Variants in MCF2L observed in about 807,000 individuals in gnomAD.
MCF2L encodes the protein guanine nucleotide exchange factor DBS.
A neutral mutation model predicts 153.4 loss-of-function variants in MCF2L; 97 were observed. The ratio of observed to expected loss-of-function variants is 0.63; its 90% CI spans 0.54 to 0.75. The LOEUF (loss-of-function observed/expected upper bound fraction) is 0.75. MCF2L is among the 30% of genes least tolerant of loss of function. The pLI, the probability that MCF2L is intolerant of heterozygous loss-of-function variation, is 0.00. For missense variants in MCF2L, 1,347 were observed against 1,495.2 expected (o/e 0.90, Z 1.64); for synonymous variants, 659 against 632.2 (o/e 1.04, Z -0.64).
At chr13:112,980,015 G>T (rs936644991) in intron 1 of MCF2L, among the ~76,000 whole-genome samples, 1 of 152,212 alleles carries the variant, frequency 6.6e-6, no homozygotes, top group Non-Finnish European at 1.5e-5. Flanking sequence ...ACGAATTTCC[G>T]CTCCGATTGG....
In MCF2L at chr13:113,070,150, C is replaced by T; in HGVS notation, c.973C>T (p.His325Tyr). The T allele has an allele frequency of 6.2e-7, 1 of 1,602,364 alleles. No homozygotes were observed. Residue 325 changes from histidine (H) to tyrosine (Y), a missense_variant, in exon 9 of 30, where the codon CAC becomes TAC. By Grantham distance (83) the His-to-Tyr change is moderately conservative. This residue lies in a region of MCF2L where 820 missense variants were observed against 921.2 expected (regional missense o/e 0.89). Coordinates refer to ENST00000535094, the MANE Select transcript of MCF2L (RefSeq NM_001112732.3). The surrounding 1 kb of genome is among the most constrained non-coding windows in gnomAD (Gnocchi z 5.6). ...QKLEQCLQLR[H>Y]FEQGFREVKA... The stretch of plus-strand genomic sequence containing the variant: ...ACTGGAGCAGTGTCTGCAGCTCCGG[C>T]ACTTTGAGCAGGGCTTCCGGGAGGT...
chr13:112,917,910 C>T (rs982033605), intron 2 of MCF2L, among the ~76,000 whole-genome samples: 8 of 152,208 alleles, frequency 5.3e-5, no homozygotes, highest in Non-Finnish European at 7.3e-5. Flanking sequence ...GGCCGGCTTG[C>T]GTCCCCAGGT....
intron 1 of MCF2L, among the ~76,000 whole-genome samples, chr13:112,980,510 G>T (rs2082370846): frequency 6.6e-6 from 1 of 152,072 alleles, no homozygotes; most frequent in Non-Finnish European, 1.5e-5. Context: ...GGCATTGGCA[G>T]GTGGGCGTCA....
intron 21 of MCF2L, 129 bp downstream of exon 21, chr13:113,086,378 G>A: frequency 7.2e-7 from 1 of 1,391,838 alleles, no homozygotes; most frequent in Non-Finnish European, 9.6e-7. Context: ...GGAGGTCTGG[G>A]GTGGTCCCTA....
In MCF2L at chr13:113,083,998, G is replaced by A. The variant is rs2034400323; in HGVS notation, c.1992G>A (p.Arg664=). The change falls in exon 18 of 30, where the codon AGG becomes AGA. Residue 664 remains arginine, a splice_region_variant and synonymous_variant. Transcript: ENST00000535094. ...NMEEIYHFHN[R]IFLRELENYT... is the part of the protein sequence containing the mutation. Reference sequence around the variant, plus strand: ...CTACTTAAAAACCTTCTTTGTCTAGGATATTCCTCAGGGAGCTGGAAAACT... The same window carrying A: ...CTACTTAAAAACCTTCTTTGTCTAGAATATTCCTCAGGGAGCTGGAAAACT... The A allele has an allele frequency of 7.4e-6, 12 of 1,612,946 alleles. No individual in the cohort carries two copies. Among genetic ancestry groups the A allele is most frequent in the Non-Finnish European group, 1.0e-5 (12 of 1,179,074 alleles).
At chr13:113,088,684 C>T in intron 25 of MCF2L, 56 bp downstream of exon 25, 1 of 1,545,912 alleles carries the variant, frequency 6.5e-7, no homozygotes, top group Non-Finnish European at 8.8e-7. Flanking sequence ...CCGAGCAGGC[C>T]ATTTGCACGC....
intron 3 of MCF2L, among the ~76,000 whole-genome samples, chr13:113,032,161 C>T (rs553579738): frequency 2.5e-4 from 38 of 152,268 alleles, no homozygotes; most frequent in Admixed American, 1.3e-4. Context: ...GGAGCCAACT[C>T]GGTTTGTCGT....
chr13:113,083,260 G>A lies in MCF2L; in HGVS notation c.1991+718G>A, dbSNP rs1424604864. On this transcript the variant is annotated intron_variant, in intron 17 of 29. Coordinates refer to ENST00000535094, the MANE Select transcript of MCF2L (RefSeq NM_001112732.3). ...TGCGGCCATGTGCTTGGGGACCAGCGTGCCCCACTGGCCATGGGAATCGCC... is the reference window on the plus strand; with the variant it reads ...TGCGGCCATGTGCTTGGGGACCAGCATGCCCCACTGGCCATGGGAATCGCC... Among the ~76,000 whole-genome samples the A allele has an allele frequency of 2.6e-5, 4 of 152,154 alleles. No homozygotes were observed. In the East Asian group the frequency reaches 5.8e-4, roughly 22 times the overall value.
chr13:113,058,260 G>A (rs1486916821), intron 4 of MCF2L, among the ~76,000 whole-genome samples: 1 of 149,746 alleles, frequency 6.7e-6, no homozygotes, highest in African/African-American at 2.5e-5. Context: ...TGGGCGCTGA[G>A]TGGGCATTGA....
chr13:112,939,908 G>T (rs557120467), intron 2 of MCF2L, among the ~76,000 whole-genome samples: 106 of 152,114 alleles, frequency 7.0e-4, no homozygotes, highest in Non-Finnish European at 1.3e-3. Context: ...GGTAGAGGTT[G>T]CAGTGAGCTG....
At chr13:113,022,856 G>A (rs2993304) in intron 2 of MCF2L, among the ~76,000 whole-genome samples, 24,311 of 151,932 alleles carry the variant, frequency 0.16, 2,120 homozygotes, top group East Asian at 0.28. Context: ...TCTTATCATT[G>A]GGATCTGAGG....
Position 113,024,697 on chromosome 13 carries a change from T to C in MCF2L, c.217T>C (p.Phe73Leu). ...PVITFPDYPA[F>L]SEIPDKEFQN... is the part of the protein sequence containing the mutation. ...TATCACCTTCCCTGACTACCCGGCC[T>C]TCAGCGAGATTCCGGACAAGGAGTT... Residue 73 changes from phenylalanine (F) to leucine (L), a missense_variant, in exon 3 of 30, where the codon TTC (phenylalanine) becomes CTC (leucine). Phe to Leu is a conservative substitution (Grantham distance 22). Coordinates refer to ENST00000535094, the MANE Select transcript of MCF2L (RefSeq NM_001112732.3). 6.2e-7 allele frequency: 1 copy of C among 1,614,210 alleles called. No individual in the cohort carries two copies. Among genetic ancestry groups the C allele is most frequent in the African/African-American group, 1.3e-5 (1 of 75,068 alleles).
In MCF2L at chr13:112,954,396, GCTT is replaced by G. The variant is rs1224675592; in HGVS notation, c.169+52028_169+52030del. Among the ~76,000 whole-genome samples, 14 of 152,218 alleles carry G rather than the reference GCTT, an allele frequency of 9.2e-5. No homozygotes were observed. The East Asian group carries it at 2.7e-3, about 30-fold the overall frequency. On this transcript the variant is annotated intron_variant, in intron 2 of 29. Coordinates refer to the MCF2L transcript ENST00000375608. Reference sequence around the variant, plus strand: ...AAACCTCGAGGAGGCAGCACCCCCGGCTTCTGCCAGCTGCATCCTGACGTGCTG... The same window carrying G: ...AAACCTCGAGGAGGCAGCACCCCCGGCTGCCAGCTGCATCCTGACGTGCTG...
chr13:112,979,652 G>A (rs2082332315), intron 1 of MCF2L: 1 of 1,612,696 alleles, frequency 6.2e-7, no homozygotes, highest in Non-Finnish European at 8.5e-7. Flanking sequence ...AGCAGCCTTT[G>A]TGACAGGGCG....
intron 2 of MCF2L, among the ~76,000 whole-genome samples, chr13:112,918,207 C>T (rs1489653522): frequency 2.0e-5 from 3 of 152,204 alleles, no homozygotes; most frequent in Non-Finnish European, 4.4e-5. Flanking sequence ...ACTGAAGCTC[C>T]TGAGCGCATG....
At chr13:112,934,666 C>T (rs2081497609) in intron 2 of MCF2L, among the ~76,000 whole-genome samples, 1 of 151,874 alleles carries the variant, frequency 6.6e-6, no homozygotes, top group Non-Finnish European at 1.5e-5. Context: ...CGCCCAGTTG[C>T]AGGCAGATGC....
intron 8 of MCF2L, among the ~76,000 whole-genome samples, chr13:113,066,999 G>A (rs2032477760): frequency 6.6e-6 from 1 of 152,236 alleles, no homozygotes. Flanking sequence ...ATCCTTGAGG[G>A]GCTCCTCGTA....
At chr13:113,006,955 G>T (rs1467063635) in intron 1 of MCF2L, among the ~76,000 whole-genome samples, 2 of 152,186 alleles carry the variant, frequency 1.3e-5, no homozygotes, top group African/African-American at 4.8e-5. Context: ...CCGGCAGCCA[G>T]CCCGGCCCTT....
At position 113,064,484 on chromosome 13, in the gene MCF2L, C is replaced by T; in HGVS notation, c.606+64C>T. On this transcript the variant is annotated intron_variant, in intron 6 of 29. Transcript: ENST00000535094. This position sits in a 1 kb window ranked among gnomAD's most constrained non-coding sequence, Gnocchi z 6.0. ...GCTCGAGTACTTCCACAGAATCGCT[C>T]TTGCATTACAACACGGCCCTTTCCA... 9.7e-7 allele frequency: 1 copy of T among 1,034,386 alleles called. No homozygotes were observed. The highest frequency in any genetic ancestry group is 1.5e-6 in the Non-Finnish European group (1 of 665,408). The allele number at this position is 1,034,386 out of a possible 1,614,324, so 64.1% of individuals were successfully genotyped here. A position where few individuals can be genotyped will look rare whatever the true frequency, so the allele number is the denominator to read the frequency against.
Sources: gnomAD v4.1 joint callset for allele counts (sites outside exome capture counted in the v4.1 genomes callset) on GRCh38, gnomAD v4.1.1 for gene constraint, gnomAD v4.1.1 regional missense constraint, Gnocchi (gnomAD v3.1) non-coding constraint, MANE v1.5 for transcripts, NCBI Gene and HGNC (gene_info 2026-07-23, HGNC 2026-07-21) for gene names.